SMIM36: variants seen among roughly 807,000 people sequenced by gnomAD.
SMIM36 encodes small integral membrane protein 36.
chr17:55,471,011 C>T (rs1464831785), intron 3 of SMIM36, among the ~76,000 whole-genome samples: 1 of 152,146 alleles, frequency 6.6e-6, no homozygotes, highest in Non-Finnish European at 1.5e-5. Flanking sequence ...CCTTCCCATC[C>T]ATCCTATAGT....
chr17:55,455,881 G>A (rs575373967), intron 4 of SMIM36, among the ~76,000 whole-genome samples: 9 of 152,072 alleles, frequency 5.9e-5, no homozygotes, highest in Non-Finnish European at 8.8e-5. Flanking sequence ...ACTTTGGGAG[G>A]CCGAGGCACA....
chr17:55,492,877 C>T (rs940826065), intron 1 of SMIM36, among the ~76,000 whole-genome samples: 11 of 152,268 alleles, frequency 7.2e-5, no homozygotes, highest in South Asian at 2.1e-4. Flanking sequence ...TGTTAATACA[C>T]GCCAGCAACT....
the SMIM36 span, among the ~76,000 whole-genome samples, chr17:55,520,833 CA>C: frequency 6.6e-6 from 1 of 152,140 alleles, no homozygotes; most frequent in Non-Finnish European, 1.5e-5. Context: ...TTTTACTTAA[CA>C]AAAATTATCT....
chr17:55,461,904 C>G (rs898951599), intron 4 of SMIM36, among the ~76,000 whole-genome samples: 2 of 152,174 alleles, frequency 1.3e-5, no homozygotes, highest in African/African-American at 4.8e-5. Context: ...GCAGAGAATT[C>G]TTACGGAAGA....
intron 1 of SMIM36, among the ~76,000 whole-genome samples, chr17:55,499,075 G>A (rs1469856505): frequency 6.6e-6 from 1 of 151,876 alleles, no homozygotes; most frequent in East Asian, 1.9e-4. Flanking sequence ...GTGACAGAGG[G>A]GAAATTGAGT....
intron 1 of SMIM36, among the ~76,000 whole-genome samples, chr17:55,480,115 A>G (rs1334469122): frequency 5.9e-5 from 9 of 152,080 alleles, no homozygotes; most frequent in Admixed American, 5.9e-4. Context: ...TAGAACAGAA[A>G]GAAGTTGGTT....
At chr17:55,508,475 T>C (rs1910123364) in intron 1 of SMIM36, among the ~76,000 whole-genome samples, 1 of 141,144 alleles carries the variant, frequency 7.1e-6, no homozygotes, top group Non-Finnish European at 1.5e-5. Flanking sequence ...TATATGAACC[T>C]GCCCTTTTCT....
rs923690249 is a variant in SMIM36, at chr17:55,477,621, A to C, written c.*347+1141T>G. Among the ~76,000 whole-genome samples, 8 of 152,274 alleles carry C rather than the reference A, an allele frequency of 5.3e-5. No homozygotes were observed. The South Asian group carries it at 1.7e-3, about 32-fold the overall frequency. ...TCAACATATCTTTTTAGGGAGACAC[A>C]ATTCAACCCATAACAGGAGTCACAC... is the stretch of plus-strand genomic sequence containing the variant. On this transcript the variant is annotated intron_variant, in intron 3 of 4. Transcript: ENST00000636752.
At chr17:55,460,455 A>AAAAAAAAAAAC (rs1567862737) in intron 4 of SMIM36, among the ~76,000 whole-genome samples, 2 of 148,804 alleles carry the variant, frequency 1.3e-5, no homozygotes, top group African/African-American at 5.0e-5. Flanking sequence ...AACAAAACAA[A>AAAAAAAAAAAC]AAAAAAGAAC....
In SMIM36 at chr17:55,454,610, C is replaced by T. The variant is rs959408488; in HGVS notation, c.*532-4312G>A. Among the ~76,000 whole-genome samples the T allele has an allele frequency of 4.6e-5, 7 of 152,212 alleles. No individual in the cohort carries two copies. The Middle Eastern group carries it at 0.017, about 370-fold the overall frequency. ...TTGAGTCTATATACATGTATTTACACGCCTTTTACATTAATGATGATAGTA... is the reference window on the plus strand; with the variant it reads ...TTGAGTCTATATACATGTATTTACATGCCTTTTACATTAATGATGATAGTA... On this transcript the variant is annotated intron_variant, in intron 4 of 4. Coordinates refer to ENST00000636752, the Ensembl canonical transcript of SMIM36.
At chr17:55,518,374 G>A in the SMIM36 span, among the ~76,000 whole-genome samples, 1 of 152,234 alleles carries the variant, frequency 6.6e-6, no homozygotes, top group Non-Finnish European at 1.5e-5. Flanking sequence ...GTTGAATTGG[G>A]GATTAAGTTA....
intron 1 of SMIM36, among the ~76,000 whole-genome samples, chr17:55,481,935 G>A (rs974114832): frequency 1.2e-4 from 18 of 152,284 alleles, no homozygotes; most frequent in Non-Finnish European, 2.1e-4. Flanking sequence ...AGACTCAAGC[G>A]ATTCTCCTGC....
chr17:55,499,579 T>C (rs1018175508), intron 1 of SMIM36, among the ~76,000 whole-genome samples: 8 of 152,170 alleles, frequency 5.3e-5, no homozygotes, highest in African/African-American at 1.9e-4. Context: ...TTTATCTCCC[T>C]CCCTTTCCTT....
At chr17:55,499,544 G>T (rs996997252) in intron 1 of SMIM36, among the ~76,000 whole-genome samples, 1 of 152,126 alleles carries the variant, frequency 6.6e-6, no homozygotes, top group Admixed American at 6.6e-5. Flanking sequence ...TATCTGGCAC[G>T]TAGCGAATTC....
intron 4 of SMIM36, among the ~76,000 whole-genome samples, chr17:55,459,766 G>A (rs1485803400): frequency 6.6e-6 from 1 of 152,182 alleles, no homozygotes; most frequent in East Asian, 1.9e-4. Flanking sequence ...GGAGGCCAAG[G>A]CAGGAGGCGC....
chr17:55,531,863 T>C, the SMIM36 span, among the ~76,000 whole-genome samples: 3 of 152,114 alleles, frequency 2.0e-5, no homozygotes, highest in Admixed American at 2.0e-4. Context: ...CAGACAATGG[T>C]AAGATAAAGT....
intron 1 of SMIM36, among the ~76,000 whole-genome samples, chr17:55,504,311 C>A (rs1910046094): frequency 1.4e-5 from 1 of 69,286 alleles, no homozygotes; most frequent in Non-Finnish European, 2.3e-5. Flanking sequence ...CCAAAATTGA[C>A]CACATACTTC....
the SMIM36 span, among the ~76,000 whole-genome samples, chr17:55,524,222 C>T: frequency 7.4e-4 from 112 of 152,154 alleles, no homozygotes; most frequent in Non-Finnish European, 1.4e-3. Context: ...TGACCTCCAG[C>T]CCCATCCATG....
At chr17:55,522,022 C>T in the SMIM36 span, among the ~76,000 whole-genome samples, 4 of 152,124 alleles carry the variant, frequency 2.6e-5, no homozygotes, top group African/African-American at 7.2e-5. Flanking sequence ...TTGCTCAAAA[C>T]CTTCTAATAA....
Sources: gnomAD v4.1 joint callset for allele counts (sites outside exome capture counted in the v4.1 genomes callset) on GRCh38, gnomAD v4.1.1 for gene constraint, MANE v1.5 for transcripts, NCBI Gene and HGNC (gene_info 2026-07-23, HGNC 2026-07-21) for gene names.